Variants in CDYL2 observed in about 807,000 individuals in gnomAD.
The protein encoded by CDYL2 is chromodomain Y like 2.
CDYL2 carries 23 observed loss-of-function variants against 49.4 expected under a neutral mutation model. That is an observed-to-expected ratio of 0.47 (90% CI 0.34 to 0.66). CDYL2 has a LOEUF of 0.66. Among genes scored for constraint, CDYL2 ranks in the 30% least tolerant of loss-of-function variants. The probability of loss-of-function intolerance (pLI) is 0.01; values close to 1 mark genes in which losing one functional copy is unlikely to be tolerated. For synonymous variants in CDYL2, 360 were observed against 268.8 expected (o/e 1.34, Z -3.32); for missense variants, 678 against 656.4 (o/e 1.03, Z -0.36).
At chr16:80,710,010 C>G (rs922795686) in intron 1 of CDYL2, among the ~76,000 whole-genome samples, 1 of 151,766 alleles carries the variant, frequency 6.6e-6, no homozygotes, top group African/African-American at 2.4e-5. Flanking sequence ...TCACTGCAAC[C>G]TCCGCCTTCC....
chr16:80,657,072 G>A (rs966870881), intron 2 of CDYL2, among the ~76,000 whole-genome samples: 1 of 152,196 alleles, frequency 6.6e-6, no homozygotes, highest in African/African-American at 2.4e-5. Context: ...CAGAAACTTT[G>A]CTCTTGAAAT....
chr16:80,647,847 A>T (rs1296689727), intron 2 of CDYL2, among the ~76,000 whole-genome samples: 1 of 152,196 alleles, frequency 6.6e-6, no homozygotes, highest in Non-Finnish European at 1.5e-5. Flanking sequence ...ACCACAATAG[A>T]ATAAAAGTAG....
At chr16:80,683,375 T>C (rs558367842) in intron 2 of CDYL2, among the ~76,000 whole-genome samples, 1 of 152,340 alleles carries the variant, frequency 6.6e-6, no homozygotes, top group East Asian at 1.9e-4. Flanking sequence ...CCTGAAAGAC[T>C]GATGCCATGA....
rs553102343 is a variant in CDYL2 at position 80,600,051 on chromosome 16, C to T, written c.*4337G>A. 6.6e-6 allele frequency: 1 copy of T among 152,320 alleles called. No homozygotes were observed. Among genetic ancestry groups the T allele is most frequent in the Admixed American group, 6.5e-5 (1 of 15,292 alleles). The allele number at this position is 152,320 out of a possible 1,614,324, so 9.4% of individuals were successfully genotyped here. On this transcript the variant is annotated 3_prime_UTR_variant, in exon 7 of 7. Transcript: ENST00000570137. Reference sequence around the variant, plus strand: ...AGCTTAAGGCTCTGTTCACAAACTCCATCAACTGCCACACAGTGAGAATTT... The same window carrying T: ...AGCTTAAGGCTCTGTTCACAAACTCTATCAACTGCCACACAGTGAGAATTT...
In CDYL2 at chr16:80,623,177, G is replaced by A. The variant is rs188813998; in HGVS notation, c.835-2242C>T. Reference sequence around the variant, plus strand: ...CCCTCAGGAGGTGGCCAGAAATGCAGAGTCTAAAGCCCCAGCCCCGACGTA... The same window carrying A: ...CCCTCAGGAGGTGGCCAGAAATGCAAAGTCTAAAGCCCCAGCCCCGACGTA... On this transcript the variant is annotated intron_variant, in intron 3 of 6. Transcript: ENST00000570137. Among the ~76,000 whole-genome samples, 11 of 152,050 alleles carry A rather than the reference G, an allele frequency of 7.2e-5. No homozygotes were observed. In the East Asian group the frequency reaches 2.1e-3, roughly 30 times the overall value.
intron 1 of CDYL2, among the ~76,000 whole-genome samples, chr16:80,719,778 AG>A (rs1356791588): frequency 3.3e-5 from 5 of 152,340 alleles, no homozygotes; most frequent in African/African-American, 1.2e-4. Flanking sequence ...TCATGAAGAC[AG>A]GAAGTGCCTT....
At chr16:80,689,670 C>A (rs1910334052) in intron 1 of CDYL2, among the ~76,000 whole-genome samples, 1 of 152,226 alleles carries the variant, frequency 6.6e-6, no homozygotes, top group South Asian at 2.1e-4. Context: ...GAAACGGCTT[C>A]ACGGAAGTGA....
chr16:80,645,976 G>C (rs1435793996), intron 2 of CDYL2, among the ~76,000 whole-genome samples: 1 of 121,632 alleles, frequency 8.2e-6, no homozygotes, highest in Non-Finnish European at 1.7e-5. Flanking sequence ...CACACACCGG[G>C]GCCTGTCATG....
chr16:80,761,881 T>TAAAAAAAAAAAAA (rs371781974), intron 1 of CDYL2, among the ~76,000 whole-genome samples: 1 of 122,506 alleles, frequency 8.2e-6, no homozygotes, highest in Non-Finnish European at 1.8e-5. Context: ...AGGAGAAAAT[T>TAAAAAAAAAAAAA]AAAAAAAAAA....
At chr16:80,778,508 C>A (rs1452940155) in intron 1 of CDYL2, among the ~76,000 whole-genome samples, 1 of 151,964 alleles carries the variant, frequency 6.6e-6, no homozygotes, top group African/African-American at 2.4e-5. Flanking sequence ...GGCAACAAAA[C>A]TCTAAACTGT....
At chr16:80,720,373 A>G (rs999518864) in intron 1 of CDYL2, among the ~76,000 whole-genome samples, 1 of 152,228 alleles carries the variant, frequency 6.6e-6, no homozygotes, top group Non-Finnish European at 1.5e-5. Flanking sequence ...AATCCCTGCC[A>G]TGACTGTGAA....
At chr16:80,766,952 A>G (rs1906748066) in intron 1 of CDYL2, among the ~76,000 whole-genome samples, 2 of 152,204 alleles carry the variant, frequency 1.3e-5, no homozygotes, top group African/African-American at 4.8e-5. Flanking sequence ...AGAAACAGGT[A>G]CTATTATTGC....
intron 1 of CDYL2, among the ~76,000 whole-genome samples, chr16:80,778,802 G>C (rs1293412951): frequency 6.6e-6 from 1 of 151,986 alleles, no homozygotes; most frequent in African/African-American, 2.4e-5. Context: ...TTGTAGAACA[G>C]AGTAGAATGC....
chr16:80,712,192 T>C (rs9673320), intron 1 of CDYL2, among the ~76,000 whole-genome samples: 472 of 16,498 alleles, frequency 0.029, 7 homozygotes, highest in African/African-American at 0.093. Flanking sequence ...TCTGTGTGTG[T>C]ATATATATAT....
chr16:80,772,497 C>A (rs1006568471), intron 1 of CDYL2, among the ~76,000 whole-genome samples: 1 of 152,164 alleles, frequency 6.6e-6, no homozygotes, highest in African/African-American at 2.4e-5. Flanking sequence ...CTGTAGACCA[C>A]GCTGGAATGC....
In CDYL2 at chr16:80,763,616, C is replaced by CAA. The variant is rs139161412; in HGVS notation, c.24+40532_24+40533dup. 6.6e-5 allele frequency among the ~76,000 whole-genome samples: 10 copies of CAA among 150,950 alleles called. No homozygotes were observed. In the East Asian group the frequency reaches 2.0e-3, roughly 30 times the overall value. On this transcript the variant is annotated intron_variant, in intron 1 of 6. Transcript: ENST00000570137. ...AACAGAGCAAGACTCTGTCTCAAAA[C>CAA]AAAAAAATAACAAAAAAAAACACTT...
At chr16:80,610,308 G>A (rs765651595) in intron 5 of CDYL2, among the ~76,000 whole-genome samples, 55 of 152,290 alleles carry the variant, frequency 3.6e-4, no homozygotes, top group Non-Finnish European at 7.3e-4. Context: ...GCTTGCCTAG[G>A]TGCAACAGCC....
chr16:80,642,633 G>C (rs185669819), intron 2 of CDYL2, among the ~76,000 whole-genome samples: 13 of 152,252 alleles, frequency 8.5e-5, no homozygotes, highest in Non-Finnish European at 1.5e-4. Context: ...ACAGTTCCAC[G>C]TGGCTGGGGA....
intron 1 of CDYL2, among the ~76,000 whole-genome samples, chr16:80,691,452 C>G (rs1356233727): frequency 2.0e-5 from 3 of 152,206 alleles, no homozygotes; most frequent in African/African-American, 7.2e-5. Flanking sequence ...AGAAGTTTGG[C>G]TCAGAGCCAT....
Sources: allele counts gnomAD v4.1 joint callset (sites outside exome capture counted in the v4.1 genomes callset), GRCh38; gene constraint gnomAD v4.1.1; transcripts MANE v1.5; gene names NCBI Gene and HGNC (gene_info 2026-07-23, HGNC 2026-07-21).